CSNK2B: variants seen among roughly 807,000 people sequenced by gnomAD.
CSNK2B encodes casein kinase 2 beta.
CSNK2B carries 2 observed loss-of-function variants against 28.8 expected under a neutral mutation model. The observed-to-expected ratio is 0.07, with a 90% CI of 0.03 to 0.22. The LOEUF (loss-of-function observed/expected upper bound fraction) is 0.22. Ranked by LOEUF, CSNK2B falls within the 10% of genes least tolerant of loss-of-function variation. CSNK2B has a pLI of 1.00. For synonymous variants in CSNK2B, 89 were observed against 96.1 expected (o/e 0.93, Z 0.43); for missense variants, 107 against 277.9 (o/e 0.39, Z 4.37).
intron 1 of CSNK2B, 54 bp from the exon 2 acceptor site, chr6:31,666,767 T>A: frequency 7.0e-7 from 1 of 1,438,566 alleles, no homozygotes; most frequent in Non-Finnish European, 9.7e-7. Context: ...GGAGGGAGGA[T>A]ACCAGAGGCA....
Position 31,667,860 on chromosome 6 carries a change from C to T in CSNK2B, c.73-8C>T. 5 of 1,479,314 alleles carry T rather than the reference C, an allele frequency of 3.4e-6. No homozygotes were observed. The highest frequency in any genetic ancestry group is 2.9e-5 in the South Asian group (2 of 69,904). The allele number at this position is 1,479,314 out of a possible 1,614,324, so 91.6% of individuals were successfully genotyped here. On this transcript the variant is annotated splice_polypyrimidine_tract_variant and splice_region_variant and intron_variant, in intron 2 of 6. Coordinates refer to ENST00000375882, the MANE Select transcript of CSNK2B (RefSeq NM_001320.7). ...ATGGGTTCCCTCTTGGCTTCCATGT[C>T]CTGACAGGTGGATGAAGACTACATC...
intron 1 of CSNK2B, 30 bp downstream of exon 1, chr6:31,666,238 C>G: frequency 1.0e-6 from 1 of 972,054 alleles, no homozygotes; most frequent in Non-Finnish European, 1.2e-6. Flanking sequence ...TGCTCCGAGT[C>G]CCTTGTCGCT....
At position 31,669,561 on chromosome 6, in the gene CSNK2B, A is replaced by G. The variant is rs1276867081; in HGVS notation, c.557+53A>G. Reference sequence around the variant, plus strand: ...TCAAAGGAAAGGCCCAAGATCCCCCAGAGAGGGGAGGACAGGGCATGGCCC... The same window carrying G: ...TCAAAGGAAAGGCCCAAGATCCCCCGGAGAGGGGAGGACAGGGCATGGCCC... On this transcript the variant is annotated intron_variant, in intron 6 of 6. Transcript: ENST00000375882. The surrounding 1 kb of genome is among the most constrained non-coding windows in gnomAD (Gnocchi z 4.8). The G allele has an allele frequency of 1.2e-5, 19 of 1,563,810 alleles. 1 individual carries two copies. In the South Asian group the frequency reaches 1.9e-4, roughly 15 times the overall value.
intron 3 of CSNK2B, chr6:31,668,207 G>A (rs1395438665): frequency 4.9e-6 from 3 of 612,704 alleles, no homozygotes; most frequent in Non-Finnish European, 8.7e-6. Context: ...TTCCTCATGG[G>A]TCTGGTTTGT....
intron 1 of CSNK2B, chr6:31,666,491 G>C (rs1801713039): frequency 2.5e-6 from 1 of 402,102 alleles, no homozygotes; most frequent in Admixed American, 4.2e-5. Flanking sequence ...TGTATTGGTA[G>C]GGAGCCTGAG....
rs1353121968 is a variant in CSNK2B, at chr6:31,666,207, C to A, written c.-13C>A. The A allele has an allele frequency of 1.0e-6, 1 of 990,992 alleles. No individual in the cohort carries two copies. The highest frequency in any genetic ancestry group is 1.2e-6 in the Non-Finnish European group (1 of 832,588). The allele number at this position is 990,992 out of a possible 1,614,324, so 61.4% of individuals were successfully genotyped here. ...ACCCCAGTCCTGGTCCCCGTCCAGC[C>A]GGTGAGTCTGAAGTCGTCGCTGCTC... On this transcript the variant is annotated splice_region_variant and 5_prime_UTR_variant, in exon 1 of 7. Transcript: ENST00000375882.
chr6:31,669,594 AG>A lies in CSNK2B; in HGVS notation c.557+88del. On this transcript the variant is annotated intron_variant, in intron 6 of 6. Coordinates refer to ENST00000375882, the MANE Select transcript of CSNK2B (RefSeq NM_001320.7). The surrounding 1 kb of genome is among the most constrained non-coding windows in gnomAD (Gnocchi z 4.8). Reference sequence around the variant, plus strand: ...GAGGACAGGGCATGGCCCTTTCTTGAGGTCTGCTTCTCCCAGAATCAGGGCA... The same window carrying A: ...GAGGACAGGGCATGGCCCTTTCTTGAGTCTGCTTCTCCCAGAATCAGGGCA... The A allele has an allele frequency of 7.0e-7, 1 of 1,428,788 alleles. No individual in the cohort carries two copies. 88.5% of individuals were successfully genotyped at this position (1,428,788 alleles called of 1,614,324 possible). A position where few individuals can be genotyped will look rare whatever the true frequency, so the allele number is the denominator to read the frequency against.
At position 31,669,267 on chromosome 6, in the gene CSNK2B, G is replaced by A. The variant is rs934202288; in HGVS notation, c.368-52G>A. Reference sequence around the variant, plus strand: ...ATTGGAGCCTGAGTCCTGAGGGGAGGTTAGGTAGGAATAGGGGGATACCTG... The same window carrying A: ...ATTGGAGCCTGAGTCCTGAGGGGAGATTAGGTAGGAATAGGGGGATACCTG... On this transcript the variant is annotated intron_variant, in intron 5 of 6. Transcript: ENST00000375882. The surrounding 1 kb of genome is among the most constrained non-coding windows in gnomAD (Gnocchi z 4.8). The A allele has an allele frequency of 1.9e-5, 30 of 1,602,620 alleles. No individual in the cohort carries two copies. Among genetic ancestry groups the A allele is most frequent in the Middle Eastern group, 3.3e-4 (2 of 6,060 alleles).
At position 31,669,628 on chromosome 6, in the gene CSNK2B, G is replaced by A; in HGVS notation, c.557+120G>A. On this transcript the variant is annotated intron_variant, in intron 6 of 6. Transcript: ENST00000375882. This position sits in a 1 kb window ranked among gnomAD's most constrained non-coding sequence, Gnocchi z 4.8. Reference sequence around the variant, plus strand: ...TCTCCCAGAATCAGGGCATCTCCCTGCTGAGTGACTGTGGGAAAGTTATTT... The same window carrying A: ...TCTCCCAGAATCAGGGCATCTCCCTACTGAGTGACTGTGGGAAAGTTATTT... 1 of 1,170,148 alleles carries A rather than the reference G, an allele frequency of 8.5e-7. No individual in the cohort carries two copies. Among genetic ancestry groups the A allele is most frequent in the Non-Finnish European group, 1.2e-6 (1 of 828,630 alleles). 72.5% of individuals were successfully genotyped at this position (1,170,148 alleles called of 1,614,324 possible). A position where few individuals can be genotyped will look rare whatever the true frequency, so the allele number is the denominator to read the frequency against.
Position 31,669,091 on chromosome 6 carries a change from C to T in CSNK2B, c.292-6C>T, listed in dbSNP as rs768289582. The T allele has an allele frequency of 7.2e-5, 116 of 1,611,884 alleles. No homozygotes were observed. Among genetic ancestry groups the T allele is most frequent in the East Asian group, 3.8e-4 (17 of 44,886 alleles). ...CTGCCAACCCCTTCCATTGTATTCA[C>T]CTCAGTTGGAAAAGTACCAGCAAGG... On this transcript the variant is annotated splice_region_variant and splice_polypyrimidine_tract_variant and intron_variant, in intron 4 of 6. Transcript: ENST00000375882. The surrounding 1 kb of genome is among the most constrained non-coding windows in gnomAD (Gnocchi z 4.8).
Position 31,666,118 on chromosome 6 carries a change from C to T in CSNK2B, c.-102C>T, listed in dbSNP as rs568868694. The T allele has an allele frequency of 5.7e-5, 57 of 993,740 alleles. No homozygotes were observed. In the African/African-American group the frequency reaches 8.9e-4, roughly 15 times the overall value. The allele number at this position is 993,740 out of a possible 1,614,324, so 61.6% of individuals were successfully genotyped here. On this transcript the variant is annotated 5_prime_UTR_variant, in exon 1 of 7. Transcript: ENST00000375882. Reference sequence around the variant, plus strand: ...CCCACCCCACTTCGCCTGCCGCGGTCGGGTCCGCGGCCTGCGCTGTAGCGG... The same window carrying T: ...CCCACCCCACTTCGCCTGCCGCGGTTGGGTCCGCGGCCTGCGCTGTAGCGG...
At chr6:31,668,028 C>T (rs190566824) in intron 3 of CSNK2B, 58 bp downstream of exon 3, 2 of 1,145,086 alleles carry the variant, frequency 1.7e-6, no homozygotes, top group Admixed American at 1.7e-5. Flanking sequence ...CTCTTCAAAT[C>T]TCTATTCACT....
At chr6:31,667,816 C>A in intron 2 of CSNK2B, 52 bp from the exon 3 acceptor site, 2 of 1,122,750 alleles carry the variant, frequency 1.8e-6, no homozygotes, top group South Asian at 1.7e-5. Context: ...TTGCCCAGGT[C>A]AAAGATGAGG....
chr6:31,668,682 C>T, intron 4 of CSNK2B, 28 bp downstream of exon 4: 1 of 1,586,326 alleles, frequency 6.3e-7, no homozygotes, highest in Non-Finnish European at 8.7e-7. Context: ...CTACCTGCCT[C>T]CTTCTGAGCA....
chr6:31,669,961 T>TGAC lies in CSNK2B; in HGVS notation c.*35_*36insGAC. The TGAC allele has an allele frequency of 6.4e-7, 1 of 1,571,678 alleles. No individual in the cohort carries two copies. Among genetic ancestry groups the TGAC allele is most frequent in the Non-Finnish European group, 8.7e-7 (1 of 1,154,564 alleles). On this transcript the variant is annotated 3_prime_UTR_variant, in exon 7 of 7. Transcript: ENST00000375882. This position sits in a 1 kb window ranked among gnomAD's most constrained non-coding sequence, Gnocchi z 4.8. ...CCACCTGTCCTGCAGTCTTTGACTTTTCCTTTCTTTTTTGCCACCCTTTCA... is the reference window on the plus strand; with the variant it reads ...CCACCTGTCCTGCAGTCTTTGACTTTGACTCCTTTCTTTTTTGCCACCCTTTCA...
chr6:31,669,304 C>G lies in CSNK2B; in HGVS notation c.368-15C>G. 6.2e-7 allele frequency: 1 copy of G among 1,608,546 alleles called. No homozygotes were observed. The highest frequency in any genetic ancestry group is 8.5e-7 in the Non-Finnish European group (1 of 1,175,754). ...TAGGGGGATACCTGGCCTGCTGAGT[C>G]TGGCTGTCTCCCAGGCCTTTCAGAC... On this transcript the variant is annotated splice_polypyrimidine_tract_variant and intron_variant, in intron 5 of 6. Transcript: ENST00000375882. The surrounding 1 kb of genome is among the most constrained non-coding windows in gnomAD (Gnocchi z 4.8).
chr6:31,666,849 G>C lies in CSNK2B; in HGVS notation c.18G>C (p.Glu6Asp). The C allele has an allele frequency of 6.2e-7, 1 of 1,614,070 alleles. No homozygotes were observed. The highest frequency in any genetic ancestry group is 8.5e-7 in the Non-Finnish European group (1 of 1,179,990). ...ACGTGAAGATGAGCAGCTCAGAGGAGGTGTCCTGGATTTCCTGGTTCTGTG... is the reference window on the plus strand; with the variant it reads ...ACGTGAAGATGAGCAGCTCAGAGGACGTGTCCTGGATTTCCTGGTTCTGTG... MSSSE[E>D]VSWISWFCGL... is the part of the protein sequence containing the mutation. Residue 6 changes from glutamate to aspartate, a missense_variant, in exon 2 of 7, where the codon GAG (glutamate) becomes GAC (aspartate). Transcript: ENST00000375882.
At chr6:31,668,168 C>T in intron 3 of CSNK2B, 198 bp downstream of exon 3, 1 of 633,612 alleles carries the variant, frequency 1.6e-6, no homozygotes, top group Non-Finnish European at 2.8e-6. Context: ...TTTTCTAAAT[C>T]CGCAATTCAG....
At chr6:31,668,925 G>A (rs1346555330) in intron 4 of CSNK2B, 172 bp from the exon 5 acceptor site, 11 of 620,472 alleles carry the variant, frequency 1.8e-5, no homozygotes, top group Non-Finnish European at 3.1e-5. Context: ...TTTGTAGCCT[G>A]CCTAATTGGA....
Sources: gnomAD v4.1 joint callset for allele counts on GRCh38, gnomAD v4.1.1 for gene constraint, Gnocchi (gnomAD v3.1) non-coding constraint, MANE v1.5 for transcripts, NCBI Gene and HGNC (gene_info 2026-07-23, HGNC 2026-07-21) for gene names.